Variants in REDIC1 observed in about 807,000 individuals in gnomAD.
REDIC1 encodes the protein HEI10 Interacting Protein 1.
At chr12:39,657,021 A>C in the REDIC1 span, among the ~76,000 whole-genome samples, 1 of 152,192 alleles carries the variant, frequency 6.6e-6, no homozygotes, top group South Asian at 2.1e-4. Flanking sequence ...AATTTAGTGA[A>C]GCGTAAGTGT....
the REDIC1 span, among the ~76,000 whole-genome samples, chr12:39,870,784 GAACAGGAGGTGAA>G: frequency 6.6e-6 from 1 of 152,188 alleles, no homozygotes; most frequent in Non-Finnish European, 1.5e-5. Flanking sequence ...GCTTAGGCAA[GAACAGGAGGTGAA>G]AGCGTTCTAC....
At chr12:39,672,754 C>T in the REDIC1 span, among the ~76,000 whole-genome samples, 1 of 152,136 alleles carries the variant, frequency 6.6e-6, no homozygotes, top group South Asian at 2.1e-4. Flanking sequence ...TGTCTTACTG[C>T]AGCACCCATC....
At chr12:39,709,161 G>A in the REDIC1 span, among the ~76,000 whole-genome samples, 1 of 150,786 alleles carries the variant, frequency 6.6e-6, no homozygotes, top group African/African-American at 2.4e-5. Context: ...AGCTACTTTA[G>A]CATGAATATA....
chr12:39,705,002 A>G, the REDIC1 span, among the ~76,000 whole-genome samples: 385 of 152,204 alleles, frequency 2.5e-3, 1 homozygote, highest in African/African-American at 8.4e-3. Flanking sequence ...CAGTGCACCA[A>G]CATGGCACAT....
At chr12:39,723,480 A>G in the REDIC1 span, among the ~76,000 whole-genome samples, 1 of 151,890 alleles carries the variant, frequency 6.6e-6, no homozygotes, top group Non-Finnish European at 1.5e-5. Context: ...ATTATAACAT[A>G]CTTCTCAAAA....
At chr12:39,906,547 C>G in the REDIC1 span, among the ~76,000 whole-genome samples, 1 of 152,010 alleles carries the variant, frequency 6.6e-6, no homozygotes, top group Non-Finnish European at 1.5e-5. Flanking sequence ...ACAGTTTTAA[C>G]TTGAAAGAAA....
chr12:39,875,915 CTG>C, the REDIC1 span, among the ~76,000 whole-genome samples: 1 of 152,190 alleles, frequency 6.6e-6, no homozygotes, highest in South Asian at 2.1e-4. Flanking sequence ...TTTCAAGGGA[CTG>C]TATTCATTCA....
chr12:39,790,554 C>T, the REDIC1 span, among the ~76,000 whole-genome samples: 1 of 148,026 alleles, frequency 6.8e-6, no homozygotes, highest in African/African-American at 2.5e-5. Flanking sequence ...TGAACTCATC[C>T]TTTTTTATGG....
chr12:39,712,052 G>GTATATATACCTACCTGTATT, the REDIC1 span, among the ~76,000 whole-genome samples: 20 of 137,780 alleles, frequency 1.5e-4, no homozygotes, highest in East Asian at 4.5e-3. Context: ...CTACCTGTAT[G>GTATATATACCTACCTGTATT]TATATATACA....
At chr12:39,748,159 G>C in the REDIC1 span, among the ~76,000 whole-genome samples, 3 of 152,138 alleles carry the variant, frequency 2.0e-5, no homozygotes, top group South Asian at 2.1e-4. Context: ...ACCCATCAGT[G>C]TGCTGTATTC....
the REDIC1 span, among the ~76,000 whole-genome samples, chr12:39,635,582 G>C: frequency 6.8e-6 from 1 of 147,602 alleles, no homozygotes; most frequent in Non-Finnish European, 1.5e-5. Context: ...TCATAGGTGG[G>C]AGTTGAACAA....
the REDIC1 span, among the ~76,000 whole-genome samples, chr12:39,786,139 T>G: frequency 6.6e-6 from 1 of 152,102 alleles, no homozygotes; most frequent in Non-Finnish European, 1.5e-5. Flanking sequence ...ATGATGTGCT[T>G]TGGCTTTGTC....
At chr12:39,747,427 G>A in the REDIC1 span, among the ~76,000 whole-genome samples, 1 of 152,218 alleles carries the variant, frequency 6.6e-6, no homozygotes, top group African/African-American at 2.4e-5. Context: ...GGGACTATGT[G>A]AAAAGACCAA....
At chr12:39,637,709 T>G in the REDIC1 span, among the ~76,000 whole-genome samples, 18 of 152,094 alleles carry the variant, frequency 1.2e-4, no homozygotes, top group South Asian at 2.1e-4. Context: ...GTAGTCAGTG[T>G]GGAATGCTTT....
At chr12:39,722,041 A>T in the REDIC1 span, 2 of 152,116 alleles carry the variant, frequency 1.3e-5, no homozygotes, top group African/African-American at 2.4e-5. Flanking sequence ...TCTAAAATTG[A>T]CACTTGTTTT....
chr12:39,818,042 A>G, the REDIC1 span, among the ~76,000 whole-genome samples: 1 of 152,002 alleles, frequency 6.6e-6, no homozygotes, highest in Non-Finnish European at 1.5e-5. Flanking sequence ...CAGCTCTTTA[A>G]CTTCTACAGA....
chr12:39,712,216 A>ATACATGTATATATACCTATATGTATATG, the REDIC1 span, among the ~76,000 whole-genome samples: 2 of 11,752 alleles, frequency 1.7e-4, no homozygotes, highest in Non-Finnish European at 3.4e-4. Flanking sequence ...ATATGTATAT[A>ATACATGTATATATACCTATATGTATATG]TACATGTATA....
the REDIC1 span, among the ~76,000 whole-genome samples, chr12:39,847,340 T>C: frequency 3.9e-4 from 60 of 152,230 alleles, no homozygotes; most frequent in African/African-American, 1.4e-3. Context: ...ACTGGGCACA[T>C]TGTGGCTCCA....
At chr12:39,730,444 T>A in the REDIC1 span, among the ~76,000 whole-genome samples, 1 of 152,246 alleles carries the variant, frequency 6.6e-6, no homozygotes, top group South Asian at 2.1e-4. Flanking sequence ...TATGAAATTC[T>A]GGGTTGAAAA....
Sources: allele counts gnomAD v4.1 joint callset (sites outside exome capture counted in the v4.1 genomes callset), GRCh38; gene constraint gnomAD v4.1.1; transcripts MANE v1.5; gene names NCBI Gene and HGNC (gene_info 2026-07-23, HGNC 2026-07-21).